Variants in CCDC171 observed in about 807,000 individuals in gnomAD.
CCDC171 encodes coiled-coil domain containing 171.
A neutral mutation model predicts 168.2 loss-of-function variants in CCDC171; 177 were observed. That is an observed-to-expected ratio of 1.05 (90% CI 0.93 to 1.19). CCDC171 has a LOEUF of 1.19. CCDC171 is among the 50% of genes most tolerant of loss of function. The pLI, the probability that CCDC171 is intolerant of heterozygous loss-of-function variation, is 0.00. For synonymous variants in CCDC171, 687 were observed against 540.8 expected (o/e 1.27, Z -3.75); for missense variants, 1,991 against 1,539.0 (o/e 1.29, Z -4.91).
intron 18 of CCDC171, among the ~76,000 whole-genome samples, chr9:15,766,789 A>G (rs2056746896): frequency 6.6e-6 from 1 of 152,066 alleles, no homozygotes; most frequent in African/African-American, 2.4e-5. Context: ...CTGAGTATCT[A>G]GGACTACAGA....
chr9:15,654,182 T>G (rs1170010833), intron 7 of CCDC171, among the ~76,000 whole-genome samples: 1 of 152,170 alleles, frequency 6.6e-6, no homozygotes, highest in Non-Finnish European at 1.5e-5. Context: ...AGGATCATAT[T>G]TGGATTTATT....
rs775574857 is a variant in CCDC171, at chr9:15,591,503, C to T, written c.490C>T (p.Arg164Ter). 13 of 1,602,478 alleles carry T rather than the reference C, an allele frequency of 8.1e-6. No homozygotes were observed. Among genetic ancestry groups the T allele is most frequent in the South Asian group, 2.3e-5 (2 of 88,862 alleles). The part of the protein sequence containing the change: ...ERDNMIQNCN[R>*]EYDLLMKEKS... ...AGACAATATGATCCAAAATTGCAATCGAGAATATGATTTACTTATGAAAGA... is the reference window on the plus strand; with the variant it reads ...AGACAATATGATCCAAAATTGCAATTGAGAATATGATTTACTTATGAAAGA... Residue 164 changes from arginine to a stop codon, truncating the protein, a stop_gained, in exon 5 of 26, where the codon CGA (arginine) becomes TGA (stop). Coordinates refer to ENST00000380701, the MANE Select transcript of CCDC171 (RefSeq NM_173550.4). LOFTEE classifies it high-confidence loss of function.
intron 25 of CCDC171, among the ~76,000 whole-genome samples, chr9:15,941,055 A>C (rs560758826): frequency 1.3e-5 from 2 of 151,894 alleles, no homozygotes; most frequent in African/African-American, 4.8e-5. Context: ...TATTTCTGTC[A>C]TAGCCTTCCA....
intron 7 of CCDC171, among the ~76,000 whole-genome samples, chr9:15,651,831 T>C (rs2047548715): frequency 6.9e-6 from 1 of 145,662 alleles, no homozygotes; most frequent in Non-Finnish European, 1.5e-5. Flanking sequence ...TGAAGTTGTT[T>C]GTTTGTTTGT....
At chr9:15,582,019 T>C (rs1367685314) in intron 4 of CCDC171, among the ~76,000 whole-genome samples, 1 of 152,188 alleles carries the variant, frequency 6.6e-6, no homozygotes, top group Non-Finnish European at 1.5e-5. Flanking sequence ...AGAAAACTTT[T>C]GCAATCTATC....
intron 3 of CCDC171, among the ~76,000 whole-genome samples, chr9:15,993,112 A>G (rs1235367910): frequency 2.0e-5 from 3 of 152,046 alleles, no homozygotes; most frequent in Admixed American, 2.0e-4. Flanking sequence ...TTCATATGGA[A>G]CCAAAAAAGA....
intron 9 of CCDC171, among the ~76,000 whole-genome samples, chr9:15,670,128 C>G (rs1002618019): frequency 7.9e-5 from 12 of 152,056 alleles, no homozygotes; most frequent in African/African-American, 2.9e-4. Flanking sequence ...TACTCTTGCT[C>G]CACTTACTCC....
chr9:15,659,809 T>TA (rs148150186), intron 8 of CCDC171, among the ~76,000 whole-genome samples: 1,729 of 152,282 alleles, frequency 0.011, 35 homozygotes, highest in African/African-American at 0.04. Context: ...TAGTTTAGAC[T>TA]AAAAAAGTTA....
rs545860826 is a variant in CCDC171 at position 15,754,187 on chromosome 9, G to A, written c.2671+8556G>A. Among the ~76,000 whole-genome samples, 195 of 152,110 alleles carry A rather than the reference G, an allele frequency of 1.3e-3. 1 individual carries two copies. Among genetic ancestry groups the A allele is most frequent in the Non-Finnish European group, 2.5e-3 (173 of 68,004 alleles). ...ATAGTCATGTGGAGTTTCCAATTTA[G>A]CATATGAATAACCTAAACAGGTAAA... On this transcript the variant is annotated intron_variant, in intron 18 of 25. Transcript: ENST00000380701.
chr9:15,662,525 G>A (rs140333177), intron 8 of CCDC171, among the ~76,000 whole-genome samples: 1 of 152,220 alleles, frequency 6.6e-6, no homozygotes, highest in East Asian at 1.9e-4. Flanking sequence ...GCATGCATCT[G>A]TCACAGGAAG....
intron 12 of CCDC171, among the ~76,000 whole-genome samples, chr9:15,723,338 G>A (rs10962126): frequency 0.46 from 69,304 of 151,868 alleles, 16,124 homozygotes; most frequent in Non-Finnish European, 0.5. Context: ...CCTGCTTCTG[G>A]CATTTTGGTC....
At position 15,821,871 on chromosome 9, in the gene CCDC171, G is replaced by A. The variant is rs1406313982; in HGVS notation, c.3268-24831G>A. ...ATGGAACCAAAAAAGAGCCCGCATC[G>A]CCAAGTCAATCCTAAGCCAAAAGAA... On this transcript the variant is annotated intron_variant, in intron 21 of 25. Transcript: ENST00000380701. 5.8e-4 allele frequency among the ~76,000 whole-genome samples: 30 copies of A among 51,692 alleles called. 7 individuals carry two copies. Among genetic ancestry groups the A allele is most frequent in the East Asian group, 5.2e-3 (16 of 3,084 alleles). 33.9% of individuals were successfully genotyped at this position (51,692 alleles called of 152,430 possible). A position where few individuals can be genotyped will look rare whatever the true frequency, so the allele number is the denominator to read the frequency against.
At chr9:16,014,098 T>A (rs1832949628) in intron 3 of CCDC171, among the ~76,000 whole-genome samples, 1 of 152,362 alleles carries the variant, frequency 6.6e-6, no homozygotes, top group East Asian at 1.9e-4. Context: ...TAGTGGAACT[T>A]CTTTTAAAAT....
the CCDC171 span, among the ~76,000 whole-genome samples, chr9:16,067,956 G>A: frequency 6.6e-6 from 1 of 152,110 alleles, no homozygotes; most frequent in African/African-American, 2.4e-5. Flanking sequence ...GTTCTGTCCA[G>A]GGCAATTAGG....
chr9:15,598,423 G>A lies in CCDC171; in HGVS notation c.675+4251G>A, dbSNP rs572147710. On this transcript the variant is annotated intron_variant, in intron 6 of 25. Transcript: ENST00000380701. ...CATTATGTACCCAGCAGTCATTCAG[G>A]AGTAGGTTGTTCAGTTTCCATGTAG... Among the ~76,000 whole-genome samples the A allele has an allele frequency of 4.6e-5, 7 of 152,214 alleles. No homozygotes were observed. The East Asian group carries it at 5.8e-4, about 13-fold the overall frequency.
chr9:15,992,859 A>G (rs1007611576), intron 3 of CCDC171, among the ~76,000 whole-genome samples: 5 of 152,210 alleles, frequency 3.3e-5, no homozygotes, highest in African/African-American at 1.2e-4. Context: ...TTCAAAGAGA[A>G]TAAAATACCT....
chr9:15,781,797 G>C (rs1385416767), intron 20 of CCDC171, among the ~76,000 whole-genome samples: 1 of 152,146 alleles, frequency 6.6e-6, no homozygotes, highest in Non-Finnish European at 1.5e-5. Flanking sequence ...GTGTTGACCA[G>C]GTATCAGACA....
intron 21 of CCDC171, among the ~76,000 whole-genome samples, chr9:15,786,279 A>C (rs975419513): frequency 3.3e-5 from 5 of 152,172 alleles, no homozygotes; most frequent in African/African-American, 1.2e-4. Context: ...GATTGTGAGC[A>C]TTCTTGCTTA....
intron 7 of CCDC171, among the ~76,000 whole-genome samples, chr9:15,642,867 A>G (rs1334704451): frequency 1.3e-5 from 2 of 152,182 alleles, no homozygotes; most frequent in Non-Finnish European, 2.9e-5. Flanking sequence ...TAGATCATTA[A>G]TTAACTAATT....
Sources: gnomAD v4.1 joint callset for allele counts (sites outside exome capture counted in the v4.1 genomes callset) on GRCh38, gnomAD v4.1.1 for gene constraint, MANE v1.5 for transcripts, NCBI Gene and HGNC (gene_info 2026-07-23, HGNC 2026-07-21) for gene names.